Variants in CCDC122 observed in about 807,000 individuals in gnomAD.
The protein encoded by CCDC122 is coiled-coil domain containing 122.
Under a neutral mutation model 37.0 loss-of-function variants are expected in CCDC122, and 38 were observed. That is an observed-to-expected ratio of 1.03 (90% CI 0.79 to 1.35). The LOEUF is 1.35. Ranked by LOEUF, CCDC122 falls within the 40% of genes most tolerant of loss-of-function variation. The pLI, the probability that CCDC122 is intolerant of heterozygous loss-of-function variation, is 0.00. For synonymous variants in CCDC122, 83 were observed against 95.6 expected (o/e 0.87, Z 0.77); for missense variants, 305 against 310.0 (o/e 0.98, Z 0.12).
chr13:43,874,987 A>T (rs1456929326), intron 1 of CCDC122, 60 bp from the exon 2 acceptor site: 1 of 152,226 alleles, frequency 6.6e-6, no homozygotes, highest in Non-Finnish European at 1.5e-5. Context: ...CCAAGATAAT[A>T]ATAGGCAACA....
At chr13:43,876,537 A>C (rs1275765962) in intron 1 of CCDC122, among the ~76,000 whole-genome samples, 1 of 151,864 alleles carries the variant, frequency 6.6e-6, no homozygotes, top group Admixed American at 6.6e-5. Flanking sequence ...CACTTAACTC[A>C]CTCTATTACC....
chr13:43,838,789 G>A (rs193255326), intron 6 of CCDC122, among the ~76,000 whole-genome samples: 31 of 152,308 alleles, frequency 2.0e-4, no homozygotes, highest in Admixed American at 3.9e-4. Flanking sequence ...ATGTGCATGA[G>A]GTATGGAAGT....
At chr13:43,855,417 G>A (rs1819597) in intron 6 of CCDC122, 76,605 of 150,870 alleles carry the variant, frequency 0.51, 19,810 homozygotes, top group African/African-American at 0.6. Flanking sequence ...AGCCAACCAG[G>A]AAGGTAAAAG....
intron 6 of CCDC122, among the ~76,000 whole-genome samples, chr13:43,843,221 CTGA>C (rs1953415016): frequency 6.6e-6 from 1 of 151,912 alleles, no homozygotes; most frequent in Non-Finnish European, 1.5e-5. Flanking sequence ...TCTTAATTTG[CTGA>C]TATTACTCTC....
intron 6 of CCDC122, among the ~76,000 whole-genome samples, chr13:43,857,708 G>C (rs1048560111): frequency 6.6e-6 from 1 of 151,916 alleles, no homozygotes; most frequent in African/African-American, 2.4e-5. Flanking sequence ...TTTGAGACCA[G>C]CCTGGCCAAC....
downstream of CCDC122, among the ~76,000 whole-genome samples, chr13:43,823,658 C>T (rs1345877752): frequency 6.6e-6 from 1 of 152,232 alleles, no homozygotes; most frequent in Non-Finnish European, 1.5e-5. Context: ...CTGGCTAGGT[C>T]TGCTCTGAAA....
chr13:43,861,264 G>A (rs1954096995), intron 4 of CCDC122, among the ~76,000 whole-genome samples: 2 of 152,130 alleles, frequency 1.3e-5, no homozygotes, highest in Admixed American at 1.3e-4. Flanking sequence ...GTTTTTTAAA[G>A]CTTTTGTTTC....
intron 6 of CCDC122, among the ~76,000 whole-genome samples, chr13:43,841,032 C>G (rs1352266560): frequency 6.6e-6 from 1 of 152,182 alleles, no homozygotes; most frequent in Admixed American, 6.5e-5. Flanking sequence ...TCTCCACATC[C>G]TCTCCAGCAC....
downstream of CCDC122, among the ~76,000 whole-genome samples, chr13:43,835,968 T>C (rs1276355986): frequency 6.6e-6 from 1 of 152,198 alleles, no homozygotes; most frequent in Non-Finnish European, 1.5e-5. Context: ...CATTAAGCCA[T>C]GCTAAGCCAC....
chr13:43,851,042 G>T (rs1486098227), intron 6 of CCDC122, among the ~76,000 whole-genome samples: 1 of 151,978 alleles, frequency 6.6e-6, no homozygotes, highest in Admixed American at 6.6e-5. Flanking sequence ...AAATGAAGTG[G>T]CATAACATTT....
At chr13:43,833,250 C>T (rs112218545), downstream of CCDC122, among the ~76,000 whole-genome samples, 30 of 152,248 alleles carry the variant, frequency 2.0e-4, 1 homozygote, top group Middle Eastern at 0.01. Context: ...TCCCTCCCTC[C>T]GCTTCCTTGC....
chr13:43,836,925 G>T lies in CCDC122; in HGVS notation c.*355C>A, dbSNP rs1594814111. The T allele has an allele frequency of 1.3e-5, 2 of 153,072 alleles. No individual in the cohort carries two copies. The allele number at this position is 153,072 out of a possible 1,614,324, so 9.5% of individuals were successfully genotyped here. The stretch of plus-strand genomic sequence containing the variant: ...AAAAATCTTAACAATTTAAATCAGT[G>T]AAAATTCGAGTGTTTTTTCCCTTCT... On this transcript the variant is annotated 3_prime_UTR_variant, in exon 7 of 7. Transcript: ENST00000444614.
chr13:43,827,460 AAGGCTTACATAAGTTCT>A (rs1252605825), intron 3 of CCDC122, among the ~76,000 whole-genome samples: 2 of 152,202 alleles, frequency 1.3e-5, no homozygotes, highest in African/African-American at 2.4e-5. Context: ...TTCTAAACAA[AAGGCTTACATAAGTTCT>A]CTAAGTTGTA....
chr13:43,868,548 C>CT, intron 4 of CCDC122, 146 bp downstream of exon 4: 1 of 442,880 alleles, frequency 2.3e-6, no homozygotes, highest in Non-Finnish European at 3.9e-6. Flanking sequence ...CTGGAATAGC[C>CT]ATGTAAACCT....
Position 43,869,441 on chromosome 13 carries a change from AT to A in CCDC122, c.-66del. On this transcript the variant is annotated 5_prime_UTR_variant, in exon 3 of 7. Coordinates refer to ENST00000444614, the MANE Select transcript of CCDC122 (RefSeq NM_144974.5). ...CTTCTTTACTCCTACTCAATAATCT[AT>A]ATTGATAATCTTTCACTTTTGTTTT... 1 of 1,269,192 alleles carries A rather than the reference AT, an allele frequency of 7.9e-7. No individual in the cohort carries two copies. The highest frequency in any genetic ancestry group is 1.1e-6 in the Non-Finnish European group (1 of 895,452). The allele number at this position is 1,269,192 out of a possible 1,614,324, so 78.6% of individuals were successfully genotyped here. A position where few individuals can be genotyped will look rare whatever the true frequency, so the allele number is the denominator to read the frequency against.
At chr13:43,823,946 T>C (rs1953015791) in exon 4 of CCDC122, 1 of 152,266 alleles carries the variant, frequency 6.6e-6, no homozygotes, top group Non-Finnish European at 1.5e-5. Flanking sequence ...TTGAGTATAG[T>C]TAGAATTTGA....
chr13:43,827,371 G>T (rs1215199122), intron 3 of CCDC122, among the ~76,000 whole-genome samples: 1 of 151,916 alleles, frequency 6.6e-6, no homozygotes, highest in Non-Finnish European at 1.5e-5. Flanking sequence ...CTTTTATTTG[G>T]TATCATCTTA....
intron 3 of CCDC122, chr13:43,824,073 C>T (rs944994394): frequency 3.3e-5 from 5 of 152,124 alleles, no homozygotes; most frequent in African/African-American, 1.2e-4. Context: ...AGGAGTTTAA[C>T]CCTTTTTCAT....
chr13:43,822,086 A>G (rs1437427781), downstream of CCDC122, among the ~76,000 whole-genome samples: 2 of 152,146 alleles, frequency 1.3e-5, no homozygotes, highest in African/African-American at 4.8e-5. Flanking sequence ...AGAGTTAGGC[A>G]TTTATTGTTG....
Sources: allele counts gnomAD v4.1 joint callset (sites outside exome capture counted in the v4.1 genomes callset), GRCh38; gene constraint gnomAD v4.1.1; transcripts MANE v1.5; gene names NCBI Gene and HGNC (gene_info 2026-07-23, HGNC 2026-07-21).